ARL8B: variants seen among roughly 807,000 people sequenced by gnomAD.
The protein encoded by ARL8B is ARF like GTPase 8B.
A neutral mutation model predicts 30.6 loss-of-function variants in ARL8B; 9 were observed. The ratio of observed to expected loss-of-function variants is 0.29; its 90% confidence interval spans 0.18 to 0.51. ARL8B has a LOEUF of 0.51. Among genes scored for constraint, ARL8B ranks in the 20% least tolerant of loss-of-function variants. The pLI is 0.97. For missense variants in ARL8B, 130 were observed against 227.2 expected (o/e 0.57, Z 2.75); for synonymous variants, 74 against 76.0 (o/e 0.97, Z 0.14).
intron 1 of ARL8B, among the ~76,000 whole-genome samples, chr3:5,156,507 C>G (rs1047630725): frequency 7.2e-4 from 109 of 152,042 alleles, no homozygotes; most frequent in African/African-American, 2.6e-3. Flanking sequence ...ACCTCTGCCT[C>G]CCAAGTTCAA....
At chr3:5,137,403 G>A (rs1213868107) in intron 1 of ARL8B, among the ~76,000 whole-genome samples, 1 of 150,892 alleles carries the variant, frequency 6.6e-6, no homozygotes, top group African/African-American at 2.4e-5. Context: ...GAGTAGAAGT[G>A]TACTGGGCAC....
At chr3:5,126,913 A>G (rs948315390) in intron 1 of ARL8B, among the ~76,000 whole-genome samples, 3 of 152,224 alleles carry the variant, frequency 2.0e-5, no homozygotes, top group Admixed American at 6.5e-5. Flanking sequence ...ATTAAAAAAT[A>G]TCTAATAGGA....
chr3:5,127,003 T>C (rs1333232052), intron 1 of ARL8B, among the ~76,000 whole-genome samples: 6 of 152,254 alleles, frequency 3.9e-5, no homozygotes, highest in African/African-American at 1.4e-4. Flanking sequence ...TCTACACTTT[T>C]GCACATTGTT....
intron 1 of ARL8B, among the ~76,000 whole-genome samples, chr3:5,134,488 G>T (rs2054308745): frequency 6.6e-6 from 1 of 152,206 alleles, no homozygotes; most frequent in African/African-American, 2.4e-5. Flanking sequence ...GGTTTGTATA[G>T]TGACTTTCTA....
rs5846362 is a variant in ARL8B, at chr3:5,130,194, A to ATTTT, written c.123+7613_123+7616dup. Reference sequence around the variant, plus strand: ...CATATTCTCTTAAAAAAAAATATATATTTTTTTTTTGTAGAGACTTCATCT... The same window carrying ATTTT: ...CATATTCTCTTAAAAAAAAATATATATTTTTTTTTTTTTTGTAGAGACTTCATCT... On this transcript the variant is annotated intron_variant, in intron 1 of 6. Coordinates refer to ENST00000256496, the MANE Select transcript of ARL8B (RefSeq NM_018184.3). Among the ~76,000 whole-genome samples the ATTTT allele has an allele frequency of 1.4e-3, 206 of 147,642 alleles. 1 individual carries two copies. Among genetic ancestry groups the ATTTT allele is most frequent in the Non-Finnish European group, 2.3e-3 (152 of 67,094 alleles).
intron 1 of ARL8B, chr3:5,128,331 C>A (rs914897194): frequency 9.2e-6 from 3 of 327,518 alleles, no homozygotes; most frequent in Non-Finnish European, 1.2e-5. Context: ...AGCTAGTCTT[C>A]CAATAAGGTG....
intron 5 of ARL8B, 123 bp from the exon 6 acceptor site, chr3:5,174,221 C>A: frequency 9.4e-7 from 1 of 1,068,128 alleles, no homozygotes; most frequent in Non-Finnish European, 1.4e-6. Context: ...TGAATCCTAA[C>A]ATTTTAGGAT....
intron 1 of ARL8B, among the ~76,000 whole-genome samples, chr3:5,160,924 G>C (rs1471045467): frequency 6.6e-6 from 1 of 152,044 alleles, no homozygotes; most frequent in Non-Finnish European, 1.5e-5. Context: ...GTTTTTTTGA[G>C]ACAGAGTCTG....
At chr3:5,124,443 G>T (rs1290583357) in intron 1 of ARL8B, among the ~76,000 whole-genome samples, 1 of 151,216 alleles carries the variant, frequency 6.6e-6, no homozygotes, top group Non-Finnish European at 1.5e-5. Flanking sequence ...ATGAACTTCG[G>T]GTTACATATT....
intron 1 of ARL8B, among the ~76,000 whole-genome samples, chr3:5,150,450 G>A (rs770594023): frequency 2.9e-5 from 3 of 104,190 alleles, no homozygotes; most frequent in East Asian, 2.5e-4. Context: ...GTGACAGAGC[G>A]AGAATCCATG....
At chr3:5,169,564 TTTC>T (rs2054652920) in intron 1 of ARL8B, among the ~76,000 whole-genome samples, 1 of 131,742 alleles carries the variant, frequency 7.6e-6, no homozygotes, top group Non-Finnish European at 1.6e-5. Flanking sequence ...TTCTGTTTTT[TTTC>T]TTTTCCTCTT....
chr3:5,147,724 T>G (rs1038644212), intron 1 of ARL8B, among the ~76,000 whole-genome samples: 10 of 152,086 alleles, frequency 6.6e-5, no homozygotes, highest in Non-Finnish European at 1.3e-4. Context: ...CAGTTTTTTA[T>G]TCTATCCATC....
At chr3:5,123,152 A>G (rs2054198379) in intron 1 of ARL8B, among the ~76,000 whole-genome samples, 1 of 152,310 alleles carries the variant, frequency 6.6e-6, no homozygotes, top group Admixed American at 6.5e-5. Flanking sequence ...CCCGTCCCCC[A>G]GGCGCGGAGA....
At chr3:5,123,475 T>G (rs1420191187) in intron 1 of ARL8B, among the ~76,000 whole-genome samples, 1 of 152,194 alleles carries the variant, frequency 6.6e-6, no homozygotes, top group Non-Finnish European at 1.5e-5. Flanking sequence ...TTTGGTTGGT[T>G]GGGAAATAAA....
At chr3:5,140,190 G>A (rs894848566) in intron 1 of ARL8B, among the ~76,000 whole-genome samples, 1 of 152,000 alleles carries the variant, frequency 6.6e-6, no homozygotes, top group African/African-American at 2.4e-5. Flanking sequence ...TGGTTTTGCT[G>A]GGTCCTCACC....
At chr3:5,167,251 G>A (rs1218228875) in intron 1 of ARL8B, among the ~76,000 whole-genome samples, 1 of 152,182 alleles carries the variant, frequency 6.6e-6, no homozygotes, top group Non-Finnish European at 1.5e-5. Context: ...CACAGCGAGT[G>A]CCACGTGTGA....
chr3:5,154,008 A>G (rs562524666), intron 1 of ARL8B, among the ~76,000 whole-genome samples: 2 of 151,344 alleles, frequency 1.3e-5, no homozygotes, highest in African/African-American at 4.9e-5. Flanking sequence ...TTCAATTGTT[A>G]TTCTCTAATG....
intron 1 of ARL8B, among the ~76,000 whole-genome samples, chr3:5,124,838 C>G (rs1373280027): frequency 6.6e-6 from 1 of 152,148 alleles, no homozygotes; most frequent in Non-Finnish European, 1.5e-5. Context: ...TAAATTTTCT[C>G]ATATCCCCTT....
chr3:5,168,223 A>G (rs1038797800), intron 1 of ARL8B, among the ~76,000 whole-genome samples: 3 of 152,060 alleles, frequency 2.0e-5, no homozygotes, highest in Non-Finnish European at 4.4e-5. Context: ...ACAGGTGCAT[A>G]TAACCATGCC....
Sources: allele counts gnomAD v4.1 joint callset (sites outside exome capture counted in the v4.1 genomes callset), GRCh38; gene constraint gnomAD v4.1.1; transcripts MANE v1.5; gene names NCBI Gene and HGNC (gene_info 2026-07-23, HGNC 2026-07-21).